Variants in PCDH7 observed in about 807,000 individuals in gnomAD.
The protein encoded by PCDH7 is protocadherin 7, also known as protocadherin-7.
A neutral mutation model predicts 58.9 loss-of-function variants in PCDH7; 17 were observed. The observed-to-expected ratio is 0.29, with a 90% CI of 0.20 to 0.43. The LOEUF (loss-of-function observed/expected upper bound fraction) is 0.43. Among genes scored for constraint, PCDH7 ranks in the 20% least tolerant of loss-of-function variants. The pLI, the probability that PCDH7 is intolerant of heterozygous loss-of-function variation, is 1.00. For missense variants in PCDH7, 1,274 were observed against 1,441.0 expected (o/e 0.88, Z 1.88); for synonymous variants, 664 against 616.4 (o/e 1.08, Z -1.14).
intron 3 of PCDH7, among the ~76,000 whole-genome samples, chr4:31,034,672 A>T (rs1467599469): frequency 6.6e-6 from 1 of 152,182 alleles, no homozygotes; most frequent in East Asian, 1.9e-4. Context: ...TCGTCATTTC[A>T]TCATTTCCCT....
chr4:31,124,059 C>T (rs898513834), intron 3 of PCDH7, among the ~76,000 whole-genome samples: 2 of 151,928 alleles, frequency 1.3e-5, no homozygotes, highest in Non-Finnish European at 2.9e-5. Context: ...CAGGGTGAGG[C>T]GGTGTGACGG....
In PCDH7 at chr4:30,732,053, G is replaced by A. The variant is rs537202792; in HGVS notation, c.*1265G>A. 8.5e-5 allele frequency: 13 copies of A among 152,176 alleles called. No individual in the cohort carries two copies. The South Asian group carries it at 2.5e-3, about 29-fold the overall frequency. The allele number at this position is 152,176 out of a possible 1,614,324, so 9.4% of individuals were successfully genotyped here. On this transcript the variant is annotated 3_prime_UTR_variant, in exon 2 of 2. Coordinates refer to ENST00000361762, the Ensembl canonical transcript of PCDH7. ...AAGAAAAATAAATAAATAAATATTGGAAGGCCATTGGAAGTGATAGGAAAT... is the reference window on the plus strand; with the variant it reads ...AAGAAAAATAAATAAATAAATATTGAAAGGCCATTGGAAGTGATAGGAAAT...
intron 1 of PCDH7, among the ~76,000 whole-genome samples, chr4:30,778,162 A>T (rs979606074): frequency 1.3e-5 from 2 of 152,166 alleles, no homozygotes; most frequent in Admixed American, 1.3e-4. Flanking sequence ...TCATTAAAAA[A>T]AATTCTGCTT....
chr4:30,835,093 A>G (rs1730312052), intron 1 of PCDH7, among the ~76,000 whole-genome samples: 1 of 152,176 alleles, frequency 6.6e-6, no homozygotes, highest in Admixed American at 6.5e-5. Context: ...TTTAATGCAC[A>G]TCTTCTGGGG....
intron 3 of PCDH7, among the ~76,000 whole-genome samples, chr4:30,974,241 T>C (rs950134385): frequency 1.1e-4 from 14 of 127,258 alleles, no homozygotes; most frequent in African/African-American, 4.1e-4. Context: ...TCTTTTTCTT[T>C]CTTTCTTCCT....
In PCDH7 at chr4:30,724,329, G is replaced by C. The variant is rs766269294; in HGVS notation, c.2907G>C (p.Glu969Asp). 9 of 1,613,960 alleles carry C rather than the reference G, an allele frequency of 5.6e-6. No homozygotes were observed. The Admixed American group carries it at 6.7e-5, about 12-fold the overall frequency. The change falls in exon 1 of 2, where the codon GAG (glutamate) becomes GAC (aspartate). Residue 969 changes from glutamate to aspartate, a missense_variant. This residue lies in a region of PCDH7 where 731 missense variants were observed against 881.9 expected (regional missense o/e 0.83). Coordinates refer to ENST00000361762, the Ensembl canonical transcript of PCDH7. ...GACAGAGGTATGATAGTGTCAATGA[G>C]AAGCTGTCAGACAGCCCAAGCATGG...
intron 3 of PCDH7, among the ~76,000 whole-genome samples, chr4:31,066,572 A>G (rs1472489951): frequency 1.3e-5 from 2 of 151,856 alleles, no homozygotes; most frequent in Non-Finnish European, 2.9e-5. Context: ...CGTCTCTCAG[A>G]TGCCTTCTAA....
At chr4:30,751,690 G>A (rs773679673) in intron 1 of PCDH7, among the ~76,000 whole-genome samples, 3 of 152,096 alleles carry the variant, frequency 2.0e-5, no homozygotes, top group Non-Finnish European at 4.4e-5. Context: ...TAGGTACTGT[G>A]CTTTGTAGGT....
At chr4:30,904,526 G>A (rs780717131) in intron 1 of PCDH7, among the ~76,000 whole-genome samples, 3 of 152,112 alleles carry the variant, frequency 2.0e-5, no homozygotes, top group Non-Finnish European at 2.9e-5. Flanking sequence ...ACTGCATTTC[G>A]TCTGCAACCT....
At chr4:30,992,784 T>C (rs1489200627) in intron 3 of PCDH7, among the ~76,000 whole-genome samples, 1 of 149,968 alleles carries the variant, frequency 6.7e-6, no homozygotes, top group Non-Finnish European at 1.5e-5. Context: ...GGAGGACTAC[T>C]GTCCCATTCT....
intron 1 of PCDH7, among the ~76,000 whole-genome samples, chr4:30,911,867 C>A (rs1741820341): frequency 6.6e-6 from 1 of 151,952 alleles, no homozygotes; most frequent in African/African-American, 2.4e-5. Flanking sequence ...ATTTTCCTGG[C>A]ACAGAGTAGC....
At chr4:30,792,652 T>C (rs1386490784) in intron 1 of PCDH7, among the ~76,000 whole-genome samples, 1 of 152,140 alleles carries the variant, frequency 6.6e-6, no homozygotes, top group Non-Finnish European at 1.5e-5. Context: ...TGAGATCAGG[T>C]ACAGCTCAGT....
At chr4:31,075,959 G>T (rs1029147566) in intron 3 of PCDH7, among the ~76,000 whole-genome samples, 2 of 152,242 alleles carry the variant, frequency 1.3e-5, no homozygotes, top group Admixed American at 1.3e-4. Flanking sequence ...GTTCGTGTAG[G>T]TATAAGACCA....
chr4:31,072,055 G>T (rs1033752396), intron 3 of PCDH7, among the ~76,000 whole-genome samples: 9 of 151,874 alleles, frequency 5.9e-5, no homozygotes, highest in Admixed American at 5.9e-4. Context: ...GACAGTGTTG[G>T]AGTGATCTAC....
chr4:31,022,620 T>C (rs1578583848), intron 3 of PCDH7, among the ~76,000 whole-genome samples: 1 of 152,282 alleles, frequency 6.6e-6, no homozygotes, highest in East Asian at 1.9e-4. Flanking sequence ...GTAAATCATA[T>C]TTATCATCAG....
chr4:31,122,689 C>T, intron 3 of PCDH7, among the ~76,000 whole-genome samples: 1 of 151,632 alleles, frequency 6.6e-6, no homozygotes, highest in South Asian at 2.1e-4. Context: ...GACAAACATT[C>T]TCTTTAATTT....
downstream of PCDH7, among the ~76,000 whole-genome samples, chr4:30,737,523 C>T (rs532873091): frequency 3.0e-5 from 4 of 134,726 alleles, no homozygotes; most frequent in Admixed American, 1.6e-4. Flanking sequence ...TCAAAAAATA[C>T]GTATGTATAC....
At chr4:30,749,123 T>G (rs947685780) in intron 1 of PCDH7, among the ~76,000 whole-genome samples, 3 of 152,164 alleles carry the variant, frequency 2.0e-5, no homozygotes, top group African/African-American at 4.8e-5. Context: ...GCATTTTCTT[T>G]GGAGATAATG....
At chr4:31,018,322 G>C (rs1001631795) in intron 3 of PCDH7, among the ~76,000 whole-genome samples, 1 of 152,126 alleles carries the variant, frequency 6.6e-6, no homozygotes. Context: ...AGAAAACCAC[G>C]ATGTTTGAAC....
Sources: gnomAD v4.1 joint callset for allele counts (sites outside exome capture counted in the v4.1 genomes callset) on GRCh38, gnomAD v4.1.1 for gene constraint, gnomAD v4.1.1 regional missense constraint, MANE v1.5 for transcripts, NCBI Gene and HGNC (gene_info 2026-07-23, HGNC 2026-07-21) for gene names.